ZNF362: variants seen among roughly 807,000 people sequenced by gnomAD.
ZNF362 encodes the protein zinc finger protein 362.
A neutral mutation model predicts 42.9 loss-of-function variants in ZNF362; 11 were observed. That is an observed-to-expected ratio of 0.26 (90% confidence interval 0.16 to 0.42). The LOEUF is 0.42. Among genes scored for constraint, ZNF362 ranks in the 20% least tolerant of loss-of-function variants. ZNF362 has a pLI of 1.00. For synonymous variants in ZNF362, 255 were observed against 257.3 expected (o/e 0.99, Z 0.09); for missense variants, 362 against 576.2 (o/e 0.63, Z 3.81).
chr1:33,281,373 T>C lies in ZNF362; in HGVS notation c.684-214T>C, dbSNP rs569944134. Among the ~76,000 whole-genome samples the C allele has an allele frequency of 6.6e-6, 1 of 152,280 alleles. No individual in the cohort carries two copies. Among genetic ancestry groups the C allele is most frequent in the Non-Finnish European group, 1.5e-5 (1 of 68,006 alleles). ...GAGGTGTAACCTATGCTCCAGGCTCTGTAATGTTCCCCCAGGCAAGAGCTT... is the reference window on the plus strand; with the variant it reads ...GAGGTGTAACCTATGCTCCAGGCTCCGTAATGTTCCCCCAGGCAAGAGCTT... On this transcript the variant is annotated intron_variant, in intron 5 of 8. Coordinates refer to ENST00000539719, the MANE Select transcript of ZNF362 (RefSeq NM_152493.3). The surrounding 1 kb of genome is among the most constrained non-coding windows in gnomAD (Gnocchi z 4.8).
At chr1:33,198,769 A>G in the ZNF362 span, among the ~76,000 whole-genome samples, 2 of 152,212 alleles carry the variant, frequency 1.3e-5, no homozygotes, top group Non-Finnish European at 2.9e-5. Flanking sequence ...ACCAATTGTA[A>G]CTGAATTCCA....
chr1:33,257,355 G>C (rs750440258), intron 1 of ZNF362, among the ~76,000 whole-genome samples: 1 of 151,196 alleles, frequency 6.6e-6, no homozygotes, highest in Non-Finnish European at 1.5e-5. Flanking sequence ...GCGATTTGAG[G>C]GGGGAGGGCT....
At chr1:33,228,041 G>C in the ZNF362 span, among the ~76,000 whole-genome samples, 1 of 152,104 alleles carries the variant, frequency 6.6e-6, no homozygotes, top group East Asian at 1.9e-4. Flanking sequence ...ACATAAATTT[G>C]TTGGGACCTC....
At chr1:33,227,855 G>T in the ZNF362 span, among the ~76,000 whole-genome samples, 1 of 77,944 alleles carries the variant, frequency 1.3e-5, no homozygotes, top group Admixed American at 1.4e-4. Flanking sequence ...GGAGAGGGAA[G>T]GGATCTTTTT....
chr1:33,286,772 C>T lies in ZNF362; in HGVS notation c.908+4961C>T, dbSNP rs200542227. On this transcript the variant is annotated intron_variant, in intron 6 of 8. Transcript: ENST00000539719. Reference sequence around the variant, plus strand: ...AGATTCCTTGTCCTCTGCTATTTGACGGAGGCCCTTTCCTACTTATTTGTC... The same window carrying T: ...AGATTCCTTGTCCTCTGCTATTTGATGGAGGCCCTTTCCTACTTATTTGTC... Among the ~76,000 whole-genome samples the T allele has an allele frequency of 9.2e-5, 14 of 152,278 alleles. No individual in the cohort carries two copies. The East Asian group carries it at 9.6e-4, about 10-fold the overall frequency.
the ZNF362 span, among the ~76,000 whole-genome samples, chr1:33,175,468 C>T: frequency 1.3e-5 from 2 of 152,192 alleles, no homozygotes; most frequent in Non-Finnish European, 2.9e-5. Flanking sequence ...CAACACTGGA[C>T]TGAGTCGGGA....
At chr1:33,291,513 C>T (rs916696831) in intron 6 of ZNF362, among the ~76,000 whole-genome samples, 23 of 152,110 alleles carry the variant, frequency 1.5e-4, no homozygotes, top group Non-Finnish European at 2.9e-4. Flanking sequence ...CTTCCAGCTT[C>T]GTTCTTTTGG....
At chr1:33,218,978 C>CACACACACACACACACACACACACAT in the ZNF362 span, among the ~76,000 whole-genome samples, 1 of 134,340 alleles carries the variant, frequency 7.4e-6, no homozygotes, top group African/African-American at 2.7e-5. Flanking sequence ...CACACACACA[C>CACACACACACACACACACACACACAT]ACATACACCA....
At chr1:33,282,051 C>A (rs1321714558) in intron 6 of ZNF362, 2 of 556,368 alleles carry the variant, frequency 3.6e-6, no homozygotes, top group Non-Finnish European at 3.2e-6. Flanking sequence ...CCCTCTCCCG[C>A]TTTTCCCTGT....
chr1:33,238,976 C>T, the ZNF362 span, among the ~76,000 whole-genome samples: 1 of 152,274 alleles, frequency 6.6e-6, no homozygotes, highest in East Asian at 1.9e-4. Flanking sequence ...ATCCAGCTTA[C>T]GGCATTTTGT....
At chr1:33,144,786 TTC>T in the ZNF362 span, among the ~76,000 whole-genome samples, 1 of 152,084 alleles carries the variant, frequency 6.6e-6, no homozygotes, top group South Asian at 2.1e-4. Flanking sequence ...GTCTAGGTGG[TTC>T]CATACCCGTC....
chr1:33,272,720 TC>T (rs1461778230), intron 2 of ZNF362, among the ~76,000 whole-genome samples: 2 of 151,924 alleles, frequency 1.3e-5, no homozygotes, highest in Non-Finnish European at 2.9e-5. Context: ...GCTTCACTGC[TC>T]CCCTGGCCCA....
the ZNF362 span, among the ~76,000 whole-genome samples, chr1:33,216,987 A>G: frequency 6.6e-6 from 1 of 151,478 alleles, no homozygotes; most frequent in East Asian, 2.0e-4. Flanking sequence ...TGGTGTAGAG[A>G]ATGAATTGCT....
intron 6 of ZNF362, among the ~76,000 whole-genome samples, chr1:33,289,298 AC>A (rs1445840628): frequency 6.6e-6 from 1 of 152,128 alleles, no homozygotes; most frequent in East Asian, 1.9e-4. Flanking sequence ...GGCCTTAGAA[AC>A]CAAGGCCAGA....
the ZNF362 span, among the ~76,000 whole-genome samples, chr1:33,187,908 C>A: frequency 2.2e-3 from 337 of 152,290 alleles, 2 homozygotes; most frequent in African/African-American, 7.9e-3. Flanking sequence ...GGATGTAGCA[C>A]CCTTACAATA....
chr1:33,276,293 G>T, intron 3 of ZNF362, 55 bp from the exon 4 acceptor site: 1 of 1,541,754 alleles, frequency 6.5e-7, no homozygotes, highest in East Asian at 2.4e-5. Flanking sequence ...AGCGGGCCTG[G>T]GCAAGGGGCG....
upstream of ZNF362, among the ~76,000 whole-genome samples, chr1:33,253,439 A>G (rs1645770808): frequency 1.3e-5 from 2 of 151,884 alleles, no homozygotes; most frequent in Non-Finnish European, 2.9e-5. Flanking sequence ...GCGAAAGGGC[A>G]AGGGAGGGTG....
At chr1:33,194,525 C>T in the ZNF362 span, among the ~76,000 whole-genome samples, 11 of 106,500 alleles carry the variant, frequency 1.0e-4, no homozygotes, top group East Asian at 2.8e-4. Context: ...AGTGTGTGAC[C>T]CTGTCTCAAA....
At position 33,281,626 on chromosome 1, in the gene ZNF362, G is replaced by A. The variant is rs1164523503; in HGVS notation, c.723G>A (p.Glu241=). 1 of 1,614,126 alleles carries A rather than the reference G, an allele frequency of 6.2e-7. No individual in the cohort carries two copies. The highest frequency in any genetic ancestry group is 1.1e-5 in the South Asian group (1 of 91,094). The change falls in exon 6 of 9, where the codon GAG becomes GAA. Residue 241 remains glutamate, a synonymous_variant. Coordinates refer to ENST00000539719, the MANE Select transcript of ZNF362 (RefSeq NM_152493.3). This position sits in a 1 kb window ranked among gnomAD's most constrained non-coding sequence, Gnocchi z 4.8. ...CACTGACCTTTTTCACCAAGTCAGA[G>A]ATGCAGATCCACTCCAAGTCGCACA... ...VCPLTFFTKS[E]MQIHSKSHTE...
Sources: gnomAD v4.1 joint callset for allele counts (sites outside exome capture counted in the v4.1 genomes callset) on GRCh38, gnomAD v4.1.1 for gene constraint, Gnocchi (gnomAD v3.1) non-coding constraint, MANE v1.5 for transcripts, NCBI Gene and HGNC (gene_info 2026-07-23, HGNC 2026-07-21) for gene names.